CFAP299: variants seen among roughly 807,000 people sequenced by gnomAD.
CFAP299 encodes cilia and flagella associated protein 299, also known as cilia- and flagella-associated protein 299.
CFAP299 carries 21 observed loss-of-function variants against 27.0 expected under a neutral mutation model. That is an observed-to-expected ratio of 0.78 (90% CI 0.55 to 1.12). CFAP299 has a LOEUF of 1.12. CFAP299 is among the 50% of genes most tolerant of loss of function. The pLI is 0.00. For synonymous variants in CFAP299, 104 were observed against 98.1 expected (o/e 1.06, Z -0.36); for missense variants, 310 against 276.6 (o/e 1.12, Z -0.86).
At chr4:80,951,399 C>A (rs1737769738) in intron 5 of CFAP299, among the ~76,000 whole-genome samples, 1 of 152,160 alleles carries the variant, frequency 6.6e-6, no homozygotes, top group Non-Finnish European at 1.5e-5. Context: ...CTTTTTGTAT[C>A]AATACTCCTG....
chr4:80,404,476 C>A (rs1726316513), intron 2 of CFAP299, among the ~76,000 whole-genome samples: 1 of 152,172 alleles, frequency 6.6e-6, no homozygotes, highest in Non-Finnish European at 1.5e-5. Flanking sequence ...CAACTTTATT[C>A]TACTTTCTGT....
intron 2 of CFAP299, among the ~76,000 whole-genome samples, chr4:80,452,655 G>A (rs1195144334): frequency 1.3e-5 from 2 of 152,100 alleles, no homozygotes; most frequent in African/African-American, 4.8e-5. Context: ...AGCTGAATGA[G>A]AACAATGTGG....
At chr4:80,373,648 G>T (rs1472702212) in intron 2 of CFAP299, among the ~76,000 whole-genome samples, 2 of 151,964 alleles carry the variant, frequency 1.3e-5, no homozygotes, top group African/African-American at 4.8e-5. Context: ...ATAACTTTCT[G>T]CAGTGCCCTT....
intron 2 of CFAP299, among the ~76,000 whole-genome samples, chr4:80,416,628 C>T (rs540216642): frequency 6.6e-6 from 1 of 152,064 alleles, no homozygotes; most frequent in Non-Finnish European, 1.5e-5. Context: ...ATCAGAGTAA[C>T]TCTCAAAAAG....
chr4:80,569,196 G>C (rs1159148122), intron 2 of CFAP299, among the ~76,000 whole-genome samples: 1 of 152,030 alleles, frequency 6.6e-6, no homozygotes, highest in Non-Finnish European at 1.5e-5. Context: ...CTCCCCTTAA[G>C]CTCTTTCAGT....
chr4:80,774,048 C>T (rs571837521), intron 3 of CFAP299, among the ~76,000 whole-genome samples: 105 of 151,842 alleles, frequency 6.9e-4, no homozygotes, highest in African/African-American at 2.0e-3. Context: ...AGTTTATGTT[C>T]GGCTGATCAC....
chr4:80,501,225 AC>A (rs1731727225), intron 2 of CFAP299, among the ~76,000 whole-genome samples: 1 of 151,938 alleles, frequency 6.6e-6, no homozygotes, highest in Non-Finnish European at 1.5e-5. Context: ...GAGATTACTT[AC>A]TGAGTTTGAA....
chr4:80,669,898 A>C (rs1427282547), intron 3 of CFAP299, among the ~76,000 whole-genome samples: 2 of 151,462 alleles, frequency 1.3e-5, no homozygotes, highest in Non-Finnish European at 2.9e-5. Flanking sequence ...TTATAAAAAA[A>C]CCCTTTTTTA....
rs748505008 is a variant in CFAP299 at position 80,631,861 on chromosome 4, C to CA, written c.333+48678_333+48679insA. ...AGGCTATCAGTCTGAATATTTGTGC[C>CA]CCACCCCCCCCCAACCAAATTCATA... is the stretch of plus-strand genomic sequence containing the variant. On this transcript the variant is annotated intron_variant, in intron 3 of 5. Coordinates refer to ENST00000358105, the MANE Select transcript of CFAP299 (RefSeq NM_152770.3). 5.5e-5 allele frequency among the ~76,000 whole-genome samples: 3 copies of CA among 54,460 alleles called. 1 individual carries two copies. The highest frequency in any genetic ancestry group is 1.1e-4 in the Non-Finnish European group (3 of 27,290). The allele number at this position is 54,460 out of a possible 152,430, so 35.7% of individuals were successfully genotyped here. A position where few individuals can be genotyped will look rare whatever the true frequency, so the allele number is the denominator to read the frequency against.
intron 2 of CFAP299, among the ~76,000 whole-genome samples, chr4:80,376,647 T>TTTC (rs760293405): frequency 6.6e-6 from 1 of 152,048 alleles, no homozygotes; most frequent in Admixed American, 6.6e-5. Flanking sequence ...GCTGAACATC[T>TTTC]TTCTTCTTCT....
intron 3 of CFAP299, among the ~76,000 whole-genome samples, chr4:80,793,099 A>G (rs1347376839): frequency 1.4e-5 from 2 of 145,152 alleles, no homozygotes; most frequent in African/African-American, 2.5e-5. Context: ...CCTATTAGTT[A>G]TGTGTGTGTG....
intron 3 of CFAP299, among the ~76,000 whole-genome samples, chr4:80,614,098 G>A (rs1262926341): frequency 2.0e-5 from 3 of 152,050 alleles, no homozygotes; most frequent in Non-Finnish European, 4.4e-5. Context: ...TTCCAGTTTT[G>A]TATTCCCCTT....
chr4:80,335,869 A>T lies in CFAP299; in HGVS notation c.101A>T (p.Tyr34Phe). 1 of 1,605,504 alleles carries T rather than the reference A, an allele frequency of 6.2e-7. No homozygotes were observed. The change falls in exon 1 of 6, where the codon TAC (tyrosine) becomes TTC (phenylalanine). Residue 34 changes from tyrosine to phenylalanine, a missense_variant. Physicochemically the swap from Tyr to Phe is conservative, Grantham distance 22. Coordinates refer to ENST00000358105, the MANE Select transcript of CFAP299 (RefSeq NM_152770.3). ...TCGCAGATCACTACTGTGGACTTGT[A>T]CTACCTGGAGGTAAGGGCGGAGCGC... ...LDSQITTVDL[Y>F]YLEDETLARQ...
chr4:80,731,422 C>A (rs1723515149), intron 3 of CFAP299, among the ~76,000 whole-genome samples: 1 of 152,160 alleles, frequency 6.6e-6, no homozygotes, highest in African/African-American at 2.4e-5. Flanking sequence ...CGGAAATGCC[C>A]AATAATGGCT....
chr4:80,931,143 A>ATAAG (rs767837117), intron 4 of CFAP299, among the ~76,000 whole-genome samples: 1 of 134,786 alleles, frequency 7.4e-6, no homozygotes, highest in Non-Finnish European at 1.5e-5. Flanking sequence ...AGACATAATA[A>ATAAG]TAAGTGAGTG....
At chr4:80,573,303 AT>A (rs1341772805) in intron 2 of CFAP299, among the ~76,000 whole-genome samples, 4 of 151,876 alleles carry the variant, frequency 2.6e-5, no homozygotes, top group Admixed American at 1.3e-4. Flanking sequence ...TCTTTGGCCT[AT>A]TTTTTGATTG....
intron 3 of CFAP299, among the ~76,000 whole-genome samples, chr4:80,842,273 A>G (rs1340568588): frequency 6.6e-6 from 1 of 152,132 alleles, no homozygotes; most frequent in Non-Finnish European, 1.5e-5. Context: ...TAGTTTTAGC[A>G]CAGACATTGG....
chr4:80,520,085 A>G (rs954028634), intron 2 of CFAP299, among the ~76,000 whole-genome samples: 1 of 152,208 alleles, frequency 6.6e-6, no homozygotes, highest in Admixed American at 6.5e-5. Flanking sequence ...ACTTGGAGAC[A>G]GAGTGAAAAA....
intron 2 of CFAP299, among the ~76,000 whole-genome samples, chr4:80,551,496 T>C (rs1466059017): frequency 2.0e-5 from 3 of 152,160 alleles, no homozygotes; most frequent in Non-Finnish European, 4.4e-5. Flanking sequence ...ATATATTTAT[T>C]ATGATAACAT....
Sources: allele counts gnomAD v4.1 joint callset (sites outside exome capture counted in the v4.1 genomes callset), GRCh38; gene constraint gnomAD v4.1.1; transcripts MANE v1.5; gene names NCBI Gene and HGNC (gene_info 2026-07-23, HGNC 2026-07-21).